ADGRL3: variants seen among roughly 807,000 people sequenced by gnomAD.
The protein encoded by ADGRL3 is adhesion G protein-coupled receptor L3.
A neutral mutation model predicts 153.5 loss-of-function variants in ADGRL3; 62 were observed. That is an observed-to-expected ratio of 0.40 (90% CI 0.33 to 0.50). The LOEUF (loss-of-function observed/expected upper bound fraction) is 0.50, where lower values mean the gene tolerates loss of function less well. ADGRL3 is among the 20% of genes least tolerant of loss of function. The probability of loss-of-function intolerance (pLI) is 0.47; values close to 1 mark genes in which losing one functional copy is unlikely to be tolerated. For synonymous variants in ADGRL3, 710 were observed against 672.5 expected, an observed-to-expected ratio of 1.06 and a Z score of -0.86; for missense variants, 1,641 against 1,859.4, an observed-to-expected ratio of 0.88 and a Z score of 2.16.
At chr4:61,482,437 G>T (rs1327058722) in intron 2 of ADGRL3, among the ~76,000 whole-genome samples, 1 of 152,084 alleles carries the variant, frequency 6.6e-6, no homozygotes, top group African/African-American at 2.4e-5. Flanking sequence ...TCTAGCCGGA[G>T]CCAAATATTA....
intron 17 of ADGRL3, among the ~76,000 whole-genome samples, chr4:61,957,701 A>G (rs907808938): frequency 1.3e-5 from 2 of 151,682 alleles, no homozygotes; most frequent in East Asian, 1.9e-4. Flanking sequence ...TTTTTTGTAC[A>G]AGGACACTGC....
intron 5 of ADGRL3, among the ~76,000 whole-genome samples, chr4:61,631,890 G>T (rs1398045217): frequency 6.6e-6 from 1 of 151,810 alleles, no homozygotes; most frequent in African/African-American, 2.4e-5. Context: ...GCCTTCCAAA[G>T]TGCTGGGATT....
rs575883719 is a variant in ADGRL3, at chr4:61,769,251, T to C, written c.1399+35697T>C. The stretch of plus-strand genomic sequence containing the variant: ...GAGTTTTGGGTTCACGGATAAAACA[T>C]GTCTCTTTTGTCTCTACCAGAAAAT... On this transcript the variant is annotated intron_variant, in intron 8 of 26. Coordinates refer to ENST00000683033, the MANE Select transcript of ADGRL3 (RefSeq NM_001387552.1). 1.3e-3 allele frequency among the ~76,000 whole-genome samples: 192 copies of C among 152,180 alleles called. 1 individual carries two copies. Among genetic ancestry groups the C allele is most frequent in the Non-Finnish European group, 2.2e-3 (147 of 68,004 alleles).
At position 61,946,968 on chromosome 4, in the gene ADGRL3, C is replaced by T. The variant is rs746668174; in HGVS notation, c.2474C>T (p.Thr825Met). 2.5e-5 allele frequency: 40 copies of T among 1,613,674 alleles called. No individual in the cohort carries two copies. The highest frequency in any genetic ancestry group is 3.1e-5 in the Non-Finnish European group (37 of 1,179,814). The change falls in exon 16 of 27, where the codon ACG becomes ATG. Residue 825 changes from threonine to methionine, a missense_variant. Thr to Met is a moderately conservative substitution (Grantham distance 81). This residue lies in a region of ADGRL3 where 734 missense variants were observed against 797.0 expected (regional missense o/e 0.92). Transcript: ENST00000683033. ...AACAACTTGGGTCCTTATTTATCCA[C>T]GGAGAATGCCAGTATGAAGTTGGGA... ...LYNNLGPYLS[T>M]ENASMKLGTE...
At position 61,532,319 on chromosome 4, in the gene ADGRL3, A is replaced by T. The variant is rs541314508; in HGVS notation, c.259+14801A>T. Among the ~76,000 whole-genome samples the T allele has an allele frequency of 6.4e-4, 98 of 152,280 alleles. 1 individual carries two copies. Among genetic ancestry groups the T allele is most frequent in the African/African-American group, 2.2e-3 (90 of 41,562 alleles). ...AAAAAACTTTATCAGCAAGATCATT[A>T]ATAACTTGGGACTCAGCTTTTCAAG... On this transcript the variant is annotated intron_variant, in intron 4 of 26. Coordinates refer to ENST00000683033, the MANE Select transcript of ADGRL3 (RefSeq NM_001387552.1).
At chr4:61,602,517 A>C (rs760521954) in intron 5 of ADGRL3, among the ~76,000 whole-genome samples, 1 of 152,170 alleles carries the variant, frequency 6.6e-6, no homozygotes, top group Non-Finnish European at 1.5e-5. Flanking sequence ...AGCCCCCAAC[A>C]ACAAAAAATA....
At chr4:61,213,943 C>T (rs2148898415) in intron 1 of ADGRL3, among the ~76,000 whole-genome samples, 1 of 151,982 alleles carries the variant, frequency 6.6e-6, no homozygotes, top group African/African-American at 2.4e-5. Context: ...GGTTACAGAT[C>T]CAGATGCATC....
chr4:61,670,324 C>A (rs967776094), intron 5 of ADGRL3, among the ~76,000 whole-genome samples: 1 of 151,872 alleles, frequency 6.6e-6, no homozygotes, highest in Non-Finnish European at 1.5e-5. Flanking sequence ...TTAATGATAC[C>A]ATGTTAGATC....
intron 6 of ADGRL3, among the ~76,000 whole-genome samples, chr4:61,723,376 G>A (rs2096272607): frequency 6.6e-6 from 1 of 152,138 alleles, no homozygotes; most frequent in Admixed American, 6.6e-5. Flanking sequence ...CACACGTGGA[G>A]TGGTTTTAAG....
intron 9 of ADGRL3, among the ~76,000 whole-genome samples, chr4:61,875,171 A>G (rs2098468244): frequency 6.6e-6 from 1 of 152,208 alleles, no homozygotes; most frequent in Non-Finnish European, 1.5e-5. Context: ...TTTGTTCTGT[A>G]GACCTGCACT....
chr4:61,579,562 G>T, intron 4 of ADGRL3: 1 of 504,626 alleles, frequency 2.0e-6, no homozygotes, highest in Non-Finnish European at 3.9e-6. Flanking sequence ...TCATTTGAAG[G>T]TCACAACTTT....
At chr4:61,251,527 C>T (rs1325605180) in intron 1 of ADGRL3, among the ~76,000 whole-genome samples, 8 of 152,116 alleles carry the variant, frequency 5.3e-5, no homozygotes, top group African/African-American at 1.2e-4. Context: ...GAAAGGACAC[C>T]GACGTTTAAG....
chr4:61,654,838 A>C (rs142292035), intron 5 of ADGRL3, among the ~76,000 whole-genome samples: 1,556 of 150,426 alleles, frequency 0.01, 28 homozygotes, highest in African/African-American at 0.035. Context: ...CAGAGGTTGC[A>C]GTGAGCCGAG....
At chr4:62,012,883 G>A (rs1183371290) in intron 21 of ADGRL3, among the ~76,000 whole-genome samples, 1 of 152,150 alleles carries the variant, frequency 6.6e-6, no homozygotes, top group African/African-American at 2.4e-5. Flanking sequence ...AGTATGTAAA[G>A]TTAATTACTG....
chr4:61,221,888 T>C (rs1745756989), intron 1 of ADGRL3, among the ~76,000 whole-genome samples: 1 of 152,114 alleles, frequency 6.6e-6, no homozygotes, highest in Non-Finnish European at 1.5e-5. Context: ...TCCATTTCAA[T>C]CAGCATGCTC....
At chr4:61,726,199 C>CTTTTTTTTT (rs1012113549) in intron 6 of ADGRL3, among the ~76,000 whole-genome samples, 3 of 82,938 alleles carry the variant, frequency 3.6e-5, no homozygotes, top group East Asian at 4.0e-4. Context: ...CTCACTGGAA[C>CTTTTTTTTT]TTTTTTTTTT....
chr4:61,654,036 T>C (rs575191351), intron 5 of ADGRL3, among the ~76,000 whole-genome samples: 1 of 152,218 alleles, frequency 6.6e-6, no homozygotes, highest in Non-Finnish European at 1.5e-5. Flanking sequence ...TGACATTTTT[T>C]AAGATATTTT....
In ADGRL3 at chr4:62,042,380, T is replaced by C. The variant is rs147422915; in HGVS notation, c.3718-2073T>C. Among the ~76,000 whole-genome samples the C allele has an allele frequency of 2.6e-5, 4 of 151,952 alleles. No individual in the cohort carries two copies. In the East Asian group the frequency reaches 7.7e-4, roughly 29 times the overall value. ...ATGTGATTGGATTGTGTGGGTAGCC[T>C]ACAGTTCTAAGTAGGGTGTTATACC... On this transcript the variant is annotated intron_variant, in intron 24 of 26. Transcript: ENST00000683033.
At position 61,285,531 on chromosome 4, in the gene ADGRL3, AG is replaced by A. The variant is rs532373458; in HGVS notation, c.-240+83767del. ...CAGTGTTGCCCCACAGAAATGGGTT[AG>A]TATCCTCAAAGCTGTCCTGTGCTAT... On this transcript the variant is annotated intron_variant, in intron 1 of 26. Coordinates refer to ENST00000683033, the MANE Select transcript of ADGRL3 (RefSeq NM_001387552.1). Among the ~76,000 whole-genome samples the A allele has an allele frequency of 7.3e-3, 1,105 of 151,952 alleles. 6 individuals carry two copies. Among genetic ancestry groups the A allele is most frequent in the Middle Eastern group, 0.027 (8 of 294 alleles).
Sources: allele counts gnomAD v4.1 joint callset (sites outside exome capture counted in the v4.1 genomes callset), GRCh38; gene constraint gnomAD v4.1.1; regional missense constraint gnomAD v4.1.1; transcripts MANE v1.5; gene names NCBI Gene and HGNC (gene_info 2026-07-23, HGNC 2026-07-21).